Variants in SP110 observed in about 807,000 individuals in gnomAD.
SP110 encodes the protein SP110 nuclear body protein.
A neutral mutation model predicts 92.7 loss-of-function variants in SP110; 62 were observed. The observed-to-expected ratio is 0.67, with a 90% CI of 0.55 to 0.83. The LOEUF is 0.83. SP110 is among the 40% of genes least tolerant of loss of function. The pLI is 0.00. For synonymous variants in SP110, 273 were observed against 305.3 expected, an observed-to-expected ratio of 0.89 and a Z score of 1.10; for missense variants, 793 against 863.9, an observed-to-expected ratio of 0.92 and a Z score of 1.03.
At chr2:230,173,483 TA>T (rs1219898806) in intron 14 of SP110, 1 of 166,470 alleles carries the variant, frequency 6.0e-6, no homozygotes, top group Non-Finnish European at 1.3e-5. Flanking sequence ...TTAAAATAAT[TA>T]AAATTAAGTT....
At chr2:230,206,595 T>TATATATATATATATA (rs2043840701) in intron 8 of SP110, among the ~76,000 whole-genome samples, 1 of 70,508 alleles carries the variant, frequency 1.4e-5, no homozygotes, top group Non-Finnish European at 2.8e-5. Context: ...GGTCCAGATT[T>TATATATATATATATA]TATATATATA....
chr2:230,169,363 C>G, intron 18 of SP110, 126 bp from the exon 19 acceptor site: 1 of 703,292 alleles, frequency 1.4e-6, no homozygotes, highest in Non-Finnish European at 2.6e-6. Context: ...GGCTGTGGTG[C>G]AGTGGCACCG....
At chr2:230,205,720 G>A (rs2043708073) in intron 8 of SP110, among the ~76,000 whole-genome samples, 1 of 152,228 alleles carries the variant, frequency 6.6e-6, no homozygotes, top group African/African-American at 2.4e-5. Flanking sequence ...AGAAGGTGAA[G>A]TTAATTTCAG....
chr2:230,173,292 C>T, intron 14 of SP110: 1 of 357,444 alleles, frequency 2.8e-6, no homozygotes, highest in Non-Finnish European at 5.5e-6. Flanking sequence ...CTGAGCCCAC[C>T]AGGCCTCTAT....
chr2:230,221,114 C>T (rs1037464049), upstream of SP110, among the ~76,000 whole-genome samples: 4 of 151,690 alleles, frequency 2.6e-5, no homozygotes, highest in Non-Finnish European at 5.9e-5. Flanking sequence ...AACCCCATCT[C>T]TACTAAAAAT....
chr2:230,208,268 G>A (rs1173643558), intron 7 of SP110, among the ~76,000 whole-genome samples: 3 of 152,216 alleles, frequency 2.0e-5, no homozygotes, highest in Non-Finnish European at 4.4e-5. Flanking sequence ...GAGACAGGGA[G>A]TTTAGGTAGC....
At position 230,177,684 on chromosome 2, in the gene SP110, T is replaced by C. The variant is rs1157632866; in HGVS notation, c.1448-4A>G. 1 of 1,614,046 alleles carries C rather than the reference T, an allele frequency of 6.2e-7. No individual in the cohort carries two copies. Among genetic ancestry groups the C allele is most frequent in the Admixed American group, 1.7e-5 (1 of 60,022 alleles). On this transcript the variant is annotated splice_polypyrimidine_tract_variant and splice_region_variant and intron_variant, in intron 13 of 18. Coordinates refer to ENST00000258381, the MANE Select transcript of SP110 (RefSeq NM_080424.4). ...CGAATGCACTTCACTGAGGATCCTG[T>C]AAGAAAAAGCCCATTCTTGGATCTA... is the stretch of plus-strand genomic sequence containing the variant.
In SP110 at chr2:230,213,033, A is replaced by T. The variant is rs748232014; in HGVS notation, c.317-6T>A. The T allele has an allele frequency of 6.2e-7, 1 of 1,613,634 alleles. No individual in the cohort carries two copies. The highest frequency in any genetic ancestry group is 8.5e-7 in the Non-Finnish European group (1 of 1,179,854). ...CCATTCATAGGAAGCACCAACTGGGATTGGTGAAGGGACACACATCAGTAC... is the reference window on the plus strand; with the variant it reads ...CCATTCATAGGAAGCACCAACTGGGTTTGGTGAAGGGACACACATCAGTAC... On this transcript the variant is annotated splice_polypyrimidine_tract_variant and splice_region_variant and intron_variant, in intron 3 of 18. Transcript: ENST00000258381.
At chr2:230,182,048 G>C (rs1373397007) in intron 12 of SP110, among the ~76,000 whole-genome samples, 1 of 152,118 alleles carries the variant, frequency 6.6e-6, no homozygotes, top group Non-Finnish European at 1.5e-5. Flanking sequence ...AAAGACATGG[G>C]CTCAACCTAA....
chr2:230,214,013 T>C (rs1377325300), intron 3 of SP110: 2 of 152,260 alleles, frequency 1.3e-5, no homozygotes, highest in Admixed American at 1.3e-4. Context: ...CTGTCAACAA[T>C]GGTGATTCCA....
chr2:230,185,454 C>T (rs2042314803), intron 11 of SP110, among the ~76,000 whole-genome samples: 1 of 152,126 alleles, frequency 6.6e-6, no homozygotes, highest in South Asian at 2.1e-4. Context: ...TGGCCGTCAT[C>T]ATAGACACAT....
In SP110 at chr2:230,212,992, G is replaced by A. The variant is rs1329831889; in HGVS notation, c.352C>T (p.Pro118Ser). The A allele has an allele frequency of 1.2e-6, 2 of 1,614,052 alleles. No individual in the cohort carries two copies. Among genetic ancestry groups the A allele is most frequent in the Admixed American group, 1.7e-5 (1 of 60,026 alleles). ...ASYEWQSRDT[P>S]ILLEAPTGLA... ...CCAGTTGGGGCTTCAAGTAGGATTGGTGTGTCTCTGCTCTGCCATTCATAG... is the reference window on the plus strand; with the variant it reads ...CCAGTTGGGGCTTCAAGTAGGATTGATGTGTCTCTGCTCTGCCATTCATAG... The change falls in exon 4 of 19, where the codon CCA becomes TCA. Residue 118 changes from proline (P) to serine (S), a missense_variant. Transcript: ENST00000258381.
At chr2:230,182,230 T>C (rs1347345613) in intron 12 of SP110, among the ~76,000 whole-genome samples, 1 of 149,406 alleles carries the variant, frequency 6.7e-6, no homozygotes, top group Non-Finnish European at 1.5e-5. Flanking sequence ...ACCACATGGG[T>C]TCTCACTTAT....
At chr2:230,170,425 C>T (rs2078405854) in intron 18 of SP110, among the ~76,000 whole-genome samples, 196 bp downstream of exon 18, 1 of 151,760 alleles carries the variant, frequency 6.6e-6, no homozygotes, top group African/African-American at 2.4e-5. Context: ...AGATCCCTCC[C>T]CTGTCCTGCT....
chr2:230,195,277 A>G (rs4973297), intron 10 of SP110, among the ~76,000 whole-genome samples: 1 of 151,722 alleles, frequency 6.6e-6, no homozygotes, highest in African/African-American at 2.4e-5. Flanking sequence ...AAATTGAATT[A>G]GGGGATTGAA....
Position 230,201,542 on chromosome 2 carries a change from T to C in SP110, c.1049-577A>G, listed in dbSNP as rs527428649. 2.7e-4 allele frequency among the ~76,000 whole-genome samples: 41 copies of C among 152,278 alleles called. 1 individual carries two copies. Among genetic ancestry groups the C allele is most frequent in the African/African-American group, 9.9e-4 (41 of 41,560 alleles). On this transcript the variant is annotated intron_variant, in intron 9 of 18. Transcript: ENST00000258381. ...AATGTTTTTGGTGAGCCAGTAAAAATTATTAATTTTATTAAATTTCTACCC... is the reference window on the plus strand; with the variant it reads ...AATGTTTTTGGTGAGCCAGTAAAAACTATTAATTTTATTAAATTTCTACCC...
At chr2:230,210,079 C>T (rs759029658) in intron 6 of SP110, 71 bp from the exon 7 acceptor site, 32 of 920,686 alleles carry the variant, frequency 3.5e-5, no homozygotes, top group Non-Finnish European at 5.3e-5. Flanking sequence ...GAAGTCAATG[C>T]AAGAACTAGA....
At chr2:230,216,254 T>A (rs2045164418) in intron 2 of SP110, among the ~76,000 whole-genome samples, 1 of 152,196 alleles carries the variant, frequency 6.6e-6, no homozygotes, top group Non-Finnish European at 1.5e-5. Context: ...TCTTTGCAGT[T>A]GTAATTAAGT....
intron 2 of SP110, among the ~76,000 whole-genome samples, chr2:230,215,857 A>G (rs1415583222): frequency 1.3e-5 from 2 of 152,298 alleles, no homozygotes; most frequent in East Asian, 3.9e-4. Flanking sequence ...GAGGGAAAGC[A>G]TAGATTGCTA....
Sources: gnomAD v4.1 joint callset for allele counts (sites outside exome capture counted in the v4.1 genomes callset) on GRCh38, gnomAD v4.1.1 for gene constraint, MANE v1.5 for transcripts, NCBI Gene and HGNC (gene_info 2026-07-23, HGNC 2026-07-21) for gene names.